FNDC3A: variants seen among roughly 807,000 people sequenced by gnomAD.
FNDC3A encodes the protein fibronectin type III domain containing 3A, also known as fibronectin type-III domain-containing protein 3A.
A neutral mutation model predicts 148.9 loss-of-function variants in FNDC3A; 32 were observed. That is an observed-to-expected ratio of 0.21 (90% CI 0.16 to 0.29). FNDC3A has a LOEUF of 0.29. FNDC3A is among the 10% of genes least tolerant of loss of function. The probability of loss-of-function intolerance (pLI) is 1.00; values close to 1 mark genes in which losing one functional copy is unlikely to be tolerated. For synonymous variants in FNDC3A, 472 were observed against 473.6 expected (o/e 1.00, Z 0.04); for missense variants, 1,191 against 1,452.8 (o/e 0.82, Z 2.93).
At chr13:49,070,647 G>A (rs1417353933) in intron 2 of FNDC3A, among the ~76,000 whole-genome samples, 1 of 151,962 alleles carries the variant, frequency 6.6e-6, no homozygotes, top group South Asian at 2.1e-4. Flanking sequence ...TCAAATACTA[G>A]AACGTATTCT....
intron 2 of FNDC3A, among the ~76,000 whole-genome samples, chr13:49,037,475 G>A (rs1206984680): frequency 2.0e-5 from 3 of 152,166 alleles, no homozygotes; most frequent in Non-Finnish European, 2.9e-5. Context: ...AGGAGCAGTT[G>A]GATAAGGAGG....
chr13:48,999,958 A>G (rs1952095320), intron 1 of FNDC3A, among the ~76,000 whole-genome samples: 1 of 152,188 alleles, frequency 6.6e-6, no homozygotes, highest in Admixed American at 6.5e-5. Context: ...TTTCAGTTGC[A>G]CACTTTTGTG....
At chr13:49,198,631 T>C in intron 23 of FNDC3A, 57 bp downstream of exon 23, 1 of 1,370,030 alleles carries the variant, frequency 7.3e-7, no homozygotes, top group Non-Finnish European at 1.0e-6. Context: ...TATATACATT[T>C]CTGTAACTAT....
At chr13:49,021,769 T>C (rs988660305) in intron 2 of FNDC3A, among the ~76,000 whole-genome samples, 1 of 152,220 alleles carries the variant, frequency 6.6e-6, no homozygotes, top group African/African-American at 2.4e-5. Context: ...TTTTGGAGGT[T>C]AACACTGTGT....
At position 49,198,129 on chromosome 13, in the gene FNDC3A, A is replaced by G. The variant is rs760339555; in HGVS notation, c.2638A>G (p.Ile880Val). The G allele has an allele frequency of 1.2e-5, 19 of 1,614,092 alleles. No homozygotes were observed. The highest frequency in any genetic ancestry group is 3.3e-5 in the Admixed American group (2 of 60,010). ...PHYSPSTCLA[I>V]SWEKPCDHGS... ...TTATTCACCTTCTACATGCCTTGCA[A>G]TAAGCTGGGAAAAGCCTTGTGATCA... The change falls in exon 22 of 26, where the codon ATA becomes GTA. Residue 880 changes from isoleucine to valine, a missense_variant. By Grantham distance (29) the Ile-to-Val change is conservative. This residue lies in a region of FNDC3A where 751 missense variants were observed against 944.0 expected (regional missense o/e 0.80). Transcript: ENST00000492622.
At chr13:49,137,326 C>T (rs1301945341) in intron 6 of FNDC3A, among the ~76,000 whole-genome samples, 1 of 151,872 alleles carries the variant, frequency 6.6e-6, no homozygotes, top group African/African-American at 2.4e-5. Context: ...ACTCTATGAA[C>T]TTTGTTTTAT....
intron 2 of FNDC3A, among the ~76,000 whole-genome samples, chr13:49,016,763 A>G (rs1461702216): frequency 6.6e-6 from 1 of 151,262 alleles, no homozygotes; most frequent in Non-Finnish European, 1.5e-5. Context: ...CCCTCTACAC[A>G]CTGCTTTGAA....
At chr13:49,203,408 A>G in intron 25 of FNDC3A, 124 bp downstream of exon 25, 1 of 649,344 alleles carries the variant, frequency 1.5e-6, no homozygotes, top group South Asian at 2.2e-5. Context: ...AGTATATATT[A>G]TGTTCCAGAG....
chr13:49,108,586 A>G (rs1880349950), intron 3 of FNDC3A, among the ~76,000 whole-genome samples: 1 of 152,214 alleles, frequency 6.6e-6, no homozygotes, highest in Admixed American at 6.5e-5. Flanking sequence ...AAAACTTTCT[A>G]GTGAGCATAA....
intron 25 of FNDC3A, among the ~76,000 whole-genome samples, chr13:49,204,361 C>A (rs1373495647): frequency 6.6e-6 from 1 of 151,998 alleles, no homozygotes; most frequent in East Asian, 1.9e-4. Context: ...GGCTTTTAAG[C>A]TGGGTTGTTT....
chr13:49,162,724 G>A (rs1340460696), intron 8 of FNDC3A, among the ~76,000 whole-genome samples: 3 of 152,170 alleles, frequency 2.0e-5, no homozygotes, highest in Non-Finnish European at 2.9e-5. Flanking sequence ...TTTCTGCTCT[G>A]GTTTCTCCCC....
At position 49,191,364 on chromosome 13, in the gene FNDC3A, C is replaced by G. The variant is rs771506910; in HGVS notation, c.2206C>G (p.Arg736Gly). Residue 736 changes from arginine to glycine, a missense_variant, in exon 19 of 26, where the codon CGT becomes GGT. By Grantham distance (125) the Arg-to-Gly change is moderately radical. This residue lies in a region of FNDC3A where 751 missense variants were observed against 944.0 expected (regional missense o/e 0.80). Transcript: ENST00000492622. ...LPGKTYSFRLRAANKMGFGPF... is the reference protein window; with the variant it reads ...LPGKTYSFRLGAANKMGFGPF... The stretch of plus-strand genomic sequence containing the variant: ...TGGAAAGACATACAGCTTCAGACTA[C>G]GTGCAGCTAACAAAATGGGGGTAAG... The G allele has an allele frequency of 1.3e-6, 2 of 1,594,776 alleles. No homozygotes were observed. The highest frequency in any genetic ancestry group is 1.1e-5 in the South Asian group (1 of 87,084).
At chr13:49,162,241 C>T (rs1483862801) in intron 8 of FNDC3A, among the ~76,000 whole-genome samples, 1 of 152,204 alleles carries the variant, frequency 6.6e-6, no homozygotes, top group African/African-American at 2.4e-5. Context: ...CTTACAGGTA[C>T]ACCAATGAGA....
intron 2 of FNDC3A, among the ~76,000 whole-genome samples, chr13:49,016,575 G>T (rs1872801343): frequency 6.6e-6 from 1 of 151,900 alleles, no homozygotes; most frequent in African/African-American, 2.4e-5. Context: ...TTAATTTTTT[G>T]AAGGGTTTTG....
At chr13:49,199,436 C>T (rs539113775) in intron 23 of FNDC3A, among the ~76,000 whole-genome samples, 2 of 151,666 alleles carry the variant, frequency 1.3e-5, no homozygotes, top group East Asian at 3.9e-4. Context: ...CAAACAATTC[C>T]CCTGCCTCAG....
intron 3 of FNDC3A, among the ~76,000 whole-genome samples, chr13:49,085,484 G>A (rs569841891): frequency 6.6e-6 from 1 of 152,214 alleles, no homozygotes; most frequent in African/African-American, 2.4e-5. Flanking sequence ...CTGATATCCT[G>A]GAATCTCTGA....
At chr13:49,068,917 G>A (rs1044472981) in intron 2 of FNDC3A, among the ~76,000 whole-genome samples, 2 of 152,198 alleles carry the variant, frequency 1.3e-5, no homozygotes, top group South Asian at 2.1e-4. Flanking sequence ...TGGAGGGTGG[G>A]AGGACGAAGA....
At position 49,125,797 on chromosome 13, in the gene FNDC3A, T is replaced by C. The variant is rs1168141887; in HGVS notation, c.253-5340T>C. Among the ~76,000 whole-genome samples the C allele has an allele frequency of 3.3e-5, 5 of 152,272 alleles. No homozygotes were observed. The East Asian group carries it at 9.6e-4, about 29-fold the overall frequency. ...GGTAAGGAAGATACACAATATAAAATGTCAGATACAGTTTCCTTTCTCTGC... is the reference window on the plus strand; with the variant it reads ...GGTAAGGAAGATACACAATATAAAACGTCAGATACAGTTTCCTTTCTCTGC... On this transcript the variant is annotated intron_variant, in intron 4 of 25. Coordinates refer to ENST00000492622, the MANE Select transcript of FNDC3A (RefSeq NM_001079673.2).
chr13:49,029,738 C>G (rs1414918748), intron 2 of FNDC3A, among the ~76,000 whole-genome samples: 1 of 152,162 alleles, frequency 6.6e-6, no homozygotes, highest in East Asian at 1.9e-4. Flanking sequence ...AAAAAAGACT[C>G]AAATGACTAA....
Sources: allele counts gnomAD v4.1 joint callset (sites outside exome capture counted in the v4.1 genomes callset), GRCh38; gene constraint gnomAD v4.1.1; regional missense constraint gnomAD v4.1.1; transcripts MANE v1.5; gene names NCBI Gene and HGNC (gene_info 2026-07-23, HGNC 2026-07-21).